Variants in KCNIP4 observed in about 807,000 individuals in gnomAD.
The protein encoded by KCNIP4 is Kv channel-interacting protein 4.
A neutral mutation model predicts 34.0 loss-of-function variants in KCNIP4; 12 were observed. That is an observed-to-expected ratio of 0.35 (90% CI 0.23 to 0.57). KCNIP4 has a LOEUF of 0.57. KCNIP4 is among the 20% of genes least tolerant of loss of function. KCNIP4 has a pLI of 0.83. For missense variants in KCNIP4, 238 were observed against 311.7 expected (o/e 0.76, Z 1.78); for synonymous variants, 124 against 102.2 (o/e 1.21, Z -1.29).
chr4:20,871,778 A>C (rs575989584), intron 2 of KCNIP4, among the ~76,000 whole-genome samples: 1 of 152,208 alleles, frequency 6.6e-6, no homozygotes, highest in African/African-American at 2.4e-5. Flanking sequence ...CTCTTAGTCC[A>C]GGGGCAGCTT....
intron 1 of KCNIP4, among the ~76,000 whole-genome samples, chr4:21,403,867 G>A (rs776777647): frequency 1.8e-4 from 27 of 152,170 alleles, no homozygotes; most frequent in Non-Finnish European, 3.4e-4. Flanking sequence ...GGACTAAGGT[G>A]CTCTGTTCTG....
intron 1 of KCNIP4, among the ~76,000 whole-genome samples, chr4:21,103,358 T>C (rs974815980): frequency 1.4e-5 from 2 of 146,830 alleles, no homozygotes; most frequent in Non-Finnish European, 3.0e-5. Flanking sequence ...ATATAATATA[T>C]ATAATATATA....
chr4:20,932,893 A>G (rs1730632780), intron 1 of KCNIP4, among the ~76,000 whole-genome samples: 1 of 152,188 alleles, frequency 6.6e-6, no homozygotes, highest in South Asian at 2.1e-4. Context: ...ATGTGTTTGC[A>G]TCACTGGAAT....
At chr4:20,947,043 G>A (rs190601124) in intron 1 of KCNIP4, among the ~76,000 whole-genome samples, 1 of 152,240 alleles carries the variant, frequency 6.6e-6, no homozygotes, top group African/African-American at 2.4e-5. Flanking sequence ...GGCATACCTG[G>A]CATACCTTCT....
intron 1 of KCNIP4, among the ~76,000 whole-genome samples, chr4:21,636,336 G>C (rs979845336): frequency 1.3e-5 from 2 of 151,632 alleles, no homozygotes; most frequent in African/African-American, 4.8e-5. Context: ...TATAAATTTG[G>C]ACTTGCATTC....
At chr4:21,763,182 G>T in intron 1 of KCNIP4, 1 of 1,138,246 alleles carries the variant, frequency 8.8e-7, no homozygotes, top group Non-Finnish European at 1.2e-6. Context: ...ACATTGCCCA[G>T]ATTATCATTT....
intron 5 of KCNIP4, among the ~76,000 whole-genome samples, chr4:20,744,511 G>A (rs544084391): frequency 6.6e-5 from 10 of 151,946 alleles, no homozygotes; most frequent in Middle Eastern, 6.8e-3. Flanking sequence ...GCAAACTATC[G>A]CAAGGACAGA....
intron 1 of KCNIP4, chr4:21,845,362 A>G (rs921881132): frequency 1.3e-5 from 2 of 152,076 alleles, no homozygotes; most frequent in Non-Finnish European, 2.9e-5. Flanking sequence ...ATTTCATATA[A>G]TTTTCACAAG....
intron 1 of KCNIP4, among the ~76,000 whole-genome samples, chr4:21,808,879 G>A (rs914873350): frequency 6.6e-5 from 10 of 152,144 alleles, no homozygotes; most frequent in African/African-American, 2.2e-4. Context: ...AGCTCTCAAG[G>A]AGAGAGTGGC....
intron 1 of KCNIP4, among the ~76,000 whole-genome samples, chr4:21,484,527 G>A (rs922701981): frequency 1.3e-5 from 2 of 152,144 alleles, no homozygotes; most frequent in African/African-American, 4.8e-5. Context: ...ATGCAGAAGT[G>A]TCATATAATG....
intron 1 of KCNIP4, among the ~76,000 whole-genome samples, chr4:20,979,499 C>T (rs987030518): frequency 1.8e-4 from 27 of 151,154 alleles, no homozygotes; most frequent in African/African-American, 4.6e-4. Context: ...CCCGGGTTCA[C>T]GCCACTCTCC....
At chr4:21,822,681 C>T (rs1302951309) in intron 1 of KCNIP4, among the ~76,000 whole-genome samples, 1 of 149,016 alleles carries the variant, frequency 6.7e-6, no homozygotes, top group South Asian at 2.1e-4. Flanking sequence ...AAAGAAAATA[C>T]AAGCTTATTA....
At chr4:21,402,908 CTG>C (rs1293423652) in intron 1 of KCNIP4, among the ~76,000 whole-genome samples, 2 of 152,176 alleles carry the variant, frequency 1.3e-5, no homozygotes, top group Non-Finnish European at 2.9e-5. Flanking sequence ...CCCCTCATCC[CTG>C]TGTAGACTGA....
At chr4:21,674,973 A>G (rs1265047655) in intron 1 of KCNIP4, among the ~76,000 whole-genome samples, 1 of 152,146 alleles carries the variant, frequency 6.6e-6, no homozygotes, top group East Asian at 1.9e-4. Flanking sequence ...TGTAAACAAA[A>G]TCTGGGTTTT....
intron 1 of KCNIP4, among the ~76,000 whole-genome samples, chr4:21,597,532 A>C (rs2109110914): frequency 6.6e-6 from 1 of 152,236 alleles, no homozygotes; most frequent in African/African-American, 2.4e-5. Flanking sequence ...TTGTCTCAGA[A>C]AGCTGAGGGG....
chr4:20,823,739 G>A (rs1043989797), intron 3 of KCNIP4, among the ~76,000 whole-genome samples: 1 of 152,168 alleles, frequency 6.6e-6, no homozygotes, highest in Non-Finnish European at 1.5e-5. Context: ...CCACTCCATA[G>A]TATTCTTTTA....
intron 1 of KCNIP4, among the ~76,000 whole-genome samples, chr4:21,920,182 G>A (rs755569236): frequency 6.6e-6 from 1 of 152,090 alleles, no homozygotes; most frequent in African/African-American, 2.4e-5. Context: ...TATGCAAAGG[G>A]TCAAATCATA....
intron 3 of KCNIP4, among the ~76,000 whole-genome samples, chr4:20,834,145 T>C (rs1181034031): frequency 1.3e-5 from 2 of 152,084 alleles, no homozygotes; most frequent in Non-Finnish European, 2.9e-5. Context: ...AACCAGATAT[T>C]CCAGAGAAGA....
At chr4:21,073,692 A>T (rs992582042) in intron 1 of KCNIP4, among the ~76,000 whole-genome samples, 3 of 152,142 alleles carry the variant, frequency 2.0e-5, no homozygotes, top group African/African-American at 7.2e-5. Flanking sequence ...GAGTGGTGGG[A>T]GAGGGCGTCC....
Sources: allele counts gnomAD v4.1 joint callset (sites outside exome capture counted in the v4.1 genomes callset), GRCh38; gene constraint gnomAD v4.1.1; transcripts MANE v1.5; gene names NCBI Gene and HGNC (gene_info 2026-07-23, HGNC 2026-07-21).